PTPDC1: variants seen among roughly 807,000 people sequenced by gnomAD.
PTPDC1 encodes the protein protein tyrosine phosphatase domain containing 1, also known as protein tyrosine phosphatase domain-containing protein 1.
PTPDC1 carries 53 observed loss-of-function variants against 75.3 expected under a neutral mutation model. The observed-to-expected ratio is 0.70, with a 90% CI of 0.56 to 0.88. The LOEUF is 0.88. Ranked by LOEUF, PTPDC1 falls within the 40% of genes least tolerant of loss-of-function variation. PTPDC1 has a pLI of 0.00. For missense variants in PTPDC1, 925 were observed against 998.6 expected, an observed-to-expected ratio of 0.93 and a Z score of 0.99; for synonymous variants, 349 against 366.2, an observed-to-expected ratio of 0.95 and a Z score of 0.54.
intron 1 of PTPDC1, among the ~76,000 whole-genome samples, chr9:94,048,040 A>G (rs1003733670): frequency 2.0e-5 from 3 of 152,058 alleles, no homozygotes; most frequent in Non-Finnish European, 4.4e-5. Flanking sequence ...TCAATAGAAA[A>G]AGAGGGAATC....
chr9:94,093,481 A>T (rs1262128240), intron 4 of PTPDC1, among the ~76,000 whole-genome samples: 195 of 146,106 alleles, frequency 1.3e-3, no homozygotes, highest in African/African-American at 4.7e-3. Flanking sequence ...CTTCCCTTTG[A>T]GGGTAACCCG....
Position 94,097,750 on chromosome 9 carries a change from G to A in PTPDC1, c.1184G>A (p.Ser395Asn), listed in dbSNP as rs1032095905. 3 of 1,614,070 alleles carry A rather than the reference G, an allele frequency of 1.9e-6. No homozygotes were observed. The African/African-American group carries it at 4.0e-5, about 22-fold the overall frequency. The change falls in exon 6 of 9, where the codon AGT becomes AAT. Residue 395 changes from serine (S) to asparagine (N), a missense_variant. By Grantham distance (46) the Ser-to-Asn change is conservative (BLOSUM62 1). Coordinates refer to ENST00000620992, the MANE Select transcript of PTPDC1 (RefSeq NM_001253829.2). ...QLDKELLRHDSDVSNPPNPTA... is the reference protein window; with the variant it reads ...QLDKELLRHDNDVSNPPNPTA... Reference sequence around the variant, plus strand: ...GATAAAGAGTTACTGAGGCATGACAGTGATGTGTCCAACCCGCCTAACCCC... The same window carrying A: ...GATAAAGAGTTACTGAGGCATGACAATGATGTGTCCAACCCGCCTAACCCC...
At chr9:94,093,943 T>G (rs998383408) in intron 4 of PTPDC1, among the ~76,000 whole-genome samples, 2 of 152,006 alleles carry the variant, frequency 1.3e-5, no homozygotes, top group South Asian at 4.2e-4. Flanking sequence ...ATCAGCTCCT[T>G]TAAGCACTTC....
intron 2 of PTPDC1, among the ~76,000 whole-genome samples, chr9:94,069,522 CTT>C (rs564996961): frequency 1.5e-4 from 20 of 135,720 alleles, no homozygotes; most frequent in African/African-American, 2.4e-4. Flanking sequence ...ACTTCCAATT[CTT>C]TTTTTTTTTT....
rs942015336 is a variant in PTPDC1, at chr9:94,036,028, T to G, written c.-7+4901T>G. On this transcript the variant is annotated intron_variant, in intron 1 of 9. Transcript: ENST00000375360. The stretch of plus-strand genomic sequence containing the variant: ...CATTTTTAATCGGATTATTTGTTTT[T>G]TTTTTTGTTTTTTTTTTGCTACTGA... Among the ~76,000 whole-genome samples, 8 of 143,738 alleles carry G rather than the reference T, an allele frequency of 5.6e-5. No homozygotes were observed. In the East Asian group the frequency reaches 8.0e-4, roughly 14 times the overall value. The allele number at this position is 143,738 out of a possible 152,430, so 94.3% of individuals were successfully genotyped here. A position where few individuals can be genotyped will look rare whatever the true frequency, so the allele number is the denominator to read the frequency against.
In PTPDC1 at chr9:94,102,687, C is replaced by G. The variant is rs568466271; in HGVS notation, c.2199+936C>G. On this transcript the variant is annotated intron_variant, in intron 7 of 8. Coordinates refer to ENST00000620992, the MANE Select transcript of PTPDC1 (RefSeq NM_001253829.2). ...CTCTGCCCCCCGGGTTCAAGCGATT[C>G]TCCTGCCTCAGCCTCCCGAGTAGCT... 1.9e-3 allele frequency among the ~76,000 whole-genome samples: 295 copies of G among 152,250 alleles called. 1 individual carries two copies. Among genetic ancestry groups the G allele is most frequent in the Non-Finnish European group, 3.7e-3 (254 of 68,016 alleles).
intron 6 of PTPDC1, among the ~76,000 whole-genome samples, chr9:94,099,479 A>G (rs767249872): frequency 6.6e-5 from 10 of 152,210 alleles, no homozygotes; most frequent in Non-Finnish European, 1.2e-4. Flanking sequence ...AAAATTTCTG[A>G]GTGCCAGTAT....
intron 7 of PTPDC1, among the ~76,000 whole-genome samples, chr9:94,103,522 T>A (rs1827915986): frequency 6.6e-6 from 1 of 152,216 alleles, no homozygotes; most frequent in Admixed American, 6.5e-5. Flanking sequence ...CTAGGGCATT[T>A]ATATTGCTTC....
At chr9:94,068,744 C>A (rs1024614683) in intron 2 of PTPDC1, among the ~76,000 whole-genome samples, 2 of 152,150 alleles carry the variant, frequency 1.3e-5, no homozygotes, top group Admixed American at 1.3e-4. Context: ...AGATTTTCTT[C>A]GCCTGCCCAA....
chr9:94,068,046 G>C (rs544573178), intron 2 of PTPDC1, among the ~76,000 whole-genome samples: 2 of 152,084 alleles, frequency 1.3e-5, no homozygotes, highest in Non-Finnish European at 2.9e-5. Flanking sequence ...CTATAAATTG[G>C]TAGATAGATG....
intron 2 of PTPDC1, among the ~76,000 whole-genome samples, chr9:94,087,109 T>C (rs554462880): frequency 1.8e-4 from 28 of 152,308 alleles, no homozygotes; most frequent in African/African-American, 6.5e-4. Flanking sequence ...TCACTACCCA[T>C]TGAGTAACAA....
intron 2 of PTPDC1, among the ~76,000 whole-genome samples, chr9:94,086,274 A>C (rs1564026841): frequency 6.6e-6 from 1 of 152,216 alleles, no homozygotes; most frequent in Non-Finnish European, 1.5e-5. Context: ...CTATCATACT[A>C]ATAGTATGAA....
chr9:94,053,257 C>T (rs992438549), intron 1 of PTPDC1, among the ~76,000 whole-genome samples: 2 of 151,606 alleles, frequency 1.3e-5, no homozygotes, highest in Non-Finnish European at 2.9e-5. Flanking sequence ...GGCTGTCACT[C>T]CTTTCCCCAG....
At chr9:94,085,527 G>A in intron 2 of PTPDC1, 105 bp downstream of exon 2, 1 of 1,226,154 alleles carries the variant, frequency 8.2e-7, no homozygotes, top group Non-Finnish European at 1.1e-6. Flanking sequence ...GGACTTTGAA[G>A]TCAGGACCTC....
intron 1 of PTPDC1, among the ~76,000 whole-genome samples, chr9:94,060,778 A>G (rs528988019): frequency 6.6e-6 from 1 of 152,238 alleles, no homozygotes; most frequent in East Asian, 1.9e-4. Flanking sequence ...ATCATGCTAA[A>G]CCATTCATGA....
At chr9:94,063,540 A>G (rs1371479535) in intron 1 of PTPDC1, among the ~76,000 whole-genome samples, 1 of 152,160 alleles carries the variant, frequency 6.6e-6, no homozygotes, top group Non-Finnish European at 1.5e-5. Context: ...TTTTAATTTC[A>G]CTTTAGATCA....
At chr9:94,083,384 G>A (rs145566933), upstream of PTPDC1, among the ~76,000 whole-genome samples, 100 of 151,878 alleles carry the variant, frequency 6.6e-4, 1 homozygote, top group African/African-American at 2.0e-3. Flanking sequence ...TGTCTTATTC[G>A]ACAAAAGTGC....
At chr9:94,044,207 A>G (rs1825517356) in intron 1 of PTPDC1, among the ~76,000 whole-genome samples, 1 of 152,206 alleles carries the variant, frequency 6.6e-6, no homozygotes. Context: ...CTGGGATTTC[A>G]ATATGAATTT....
At chr9:94,091,678 C>G (rs1827325981) in intron 4 of PTPDC1, among the ~76,000 whole-genome samples, 1 of 152,222 alleles carries the variant, frequency 6.6e-6, no homozygotes, top group East Asian at 1.9e-4. Flanking sequence ...CTCCTTATAC[C>G]TCTGGTAGAA....
Sources: gnomAD v4.1 joint callset for allele counts (sites outside exome capture counted in the v4.1 genomes callset) on GRCh38, gnomAD v4.1.1 for gene constraint, MANE v1.5 for transcripts, NCBI Gene and HGNC (gene_info 2026-07-23, HGNC 2026-07-21) for gene names.